The following RNF207 variants were observed in gnomAD, a reference collection of about 807,000 sequenced individuals.
The protein encoded by RNF207 is OTTHUMG00000001089.
Under a neutral mutation model 79.0 loss-of-function variants are expected in RNF207, and 72 were observed. The ratio of observed to expected loss-of-function variants is 0.91; its 90% CI spans 0.75 to 1.11. RNF207 has a LOEUF of 1.11. Among genes scored for constraint, RNF207 ranks in the 50% least tolerant of loss-of-function variants. RNF207 has a pLI of 0.00. For missense variants in RNF207, 936 were observed against 855.8 expected (o/e 1.09, Z -1.17); for synonymous variants, 348 against 366.2 (o/e 0.95, Z 0.57).
At position 6,209,165 on chromosome 1, in the gene RNF207, T is replaced by A; in HGVS notation, c.520T>A (p.Leu174Met). The A allele has an allele frequency of 6.4e-7, 1 of 1,557,290 alleles. No individual in the cohort carries two copies. Among genetic ancestry groups the A allele is most frequent in the East Asian group, 2.4e-5 (1 of 41,862 alleles). ...LLFSTDKKLLLCIRCFRDMQK... is the reference protein window; with the variant it reads ...LLFSTDKKLLMCIRCFRDMQK... ...GTTCTCCACCGACAAGAAGTTGCTGTTGTGCATCCGCTGCTTCCGCGACAT... is the reference window on the plus strand; with the variant it reads ...GTTCTCCACCGACAAGAAGTTGCTGATGTGCATCCGCTGCTTCCGCGACAT... Residue 174 changes from leucine to methionine, a missense_variant, in exon 5 of 18, where the codon TTG (leucine) becomes ATG (methionine). By Grantham distance (15) the Leu-to-Met change is conservative (BLOSUM62 2). Coordinates refer to ENST00000377939, the MANE Select transcript of RNF207 (RefSeq NM_207396.3).
In RNF207 at chr1:6,209,983, G is replaced by C. The variant is rs768225960; in HGVS notation, c.800+13G>C. The C allele has an allele frequency of 1.9e-6, 3 of 1,575,430 alleles. No homozygotes were observed. The highest frequency in any genetic ancestry group is 2.6e-6 in the Non-Finnish European group (3 of 1,159,956). On this transcript the variant is annotated intron_variant, in intron 8 of 17. Transcript: ENST00000377939. ...AGGCTGTGCAGAGGTGAGTTGGGGG[G>C]AGCGGGGCTTGCTTCCCTTACCCCT... is the stretch of plus-strand genomic sequence containing the variant.
At chr1:6,208,208 G>GC (rs1667990636) in intron 3 of RNF207, 1 of 127,386 alleles carries the variant, frequency 7.9e-6, no homozygotes, top group Admixed American at 7.5e-5. Flanking sequence ...CCCTCCCCCC[G>GC]CCCCCAAGTG....
chr1:6,213,966 T>C (rs1668272654), intron 16 of RNF207, among the ~76,000 whole-genome samples: 1 of 152,124 alleles, frequency 6.6e-6, no homozygotes, highest in South Asian at 2.1e-4. Context: ...TCACCACCCT[T>C]GTGGTGAAGT....
At chr1:6,214,071 C>T (rs1033541629) in intron 16 of RNF207, among the ~76,000 whole-genome samples, 3 of 152,098 alleles carry the variant, frequency 2.0e-5, no homozygotes, top group Admixed American at 2.0e-4. Flanking sequence ...CTGACAATGT[C>T]TCCATTCTAG....
rs372515835 is a variant in RNF207, at chr1:6,217,087, C to T, written c.1653-1202C>T. On this transcript the variant is annotated intron_variant, in intron 16 of 17. Coordinates refer to ENST00000377939, the MANE Select transcript of RNF207 (RefSeq NM_207396.3). This position sits in a 1 kb window ranked among gnomAD's most constrained non-coding sequence, Gnocchi z 4.2. ...GTTGTGCTATGTTGCCAAAGATGGT[C>T]TCCAACTCCTGGGCTAAGTGATCCT... Among the ~76,000 whole-genome samples the T allele has an allele frequency of 1.3e-3, 193 of 152,112 alleles. No homozygotes were observed. The highest frequency in any genetic ancestry group is 4.3e-3 in the African/African-American group (180 of 41,474).
rs886918215 is a variant in RNF207 at position 6,219,972 on chromosome 1, A to T, written c.*565A>T. 2 of 151,758 alleles carry T rather than the reference A, an allele frequency of 1.3e-5. No individual in the cohort carries two copies. Among genetic ancestry groups the T allele is most frequent in the Non-Finnish European group, 2.9e-5 (2 of 68,004 alleles). The allele number at this position is 151,758 out of a possible 1,614,324, so 9.4% of individuals were successfully genotyped here. A position where few individuals can be genotyped will look rare whatever the true frequency, so the allele number is the denominator to read the frequency against. On this transcript the variant is annotated 3_prime_UTR_variant, in exon 18 of 18. Coordinates refer to ENST00000377939, the MANE Select transcript of RNF207 (RefSeq NM_207396.3). ...CCATCACACCCGGCTAATTTTTTGT[A>T]TTTTAAGTAGAGAGGGGGTTTCTCC... is the stretch of plus-strand genomic sequence containing the variant.
In RNF207 at chr1:6,209,516, C is replaced by G; in HGVS notation, c.730C>G (p.His244Asp). ...HSAAEEEDAI[H>D]ALFGSMQDRL... ...CGCCGCCGAGGAGGAGGACGCTATCCACGCCCTCTTCGGCAGCATGCAGGT... is the reference window on the plus strand; with the variant it reads ...CGCCGCCGAGGAGGAGGACGCTATCGACGCCCTCTTCGGCAGCATGCAGGT... The change falls in exon 7 of 18, where the codon CAC (histidine) becomes GAC (aspartate). Residue 244 changes from histidine to aspartate, a missense_variant. Physicochemically the swap from His to Asp is moderately conservative, Grantham distance 81 (BLOSUM62 -1). Coordinates refer to ENST00000377939, the MANE Select transcript of RNF207 (RefSeq NM_207396.3). 3 of 1,471,604 alleles carry G rather than the reference C, an allele frequency of 2.0e-6. No homozygotes were observed. The highest frequency in any genetic ancestry group is 2.8e-5 in the South Asian group (2 of 70,312). The allele number at this position is 1,471,604 out of a possible 1,614,324, so 91.2% of individuals were successfully genotyped here. A position where few individuals can be genotyped will look rare whatever the true frequency, so the allele number is the denominator to read the frequency against.
intron 10 of RNF207, 29 bp downstream of exon 10, chr1:6,210,467 C>T (rs2100930562): frequency 1.9e-6 from 3 of 1,576,234 alleles, no homozygotes; most frequent in Middle Eastern, 3.6e-4. Flanking sequence ...TGCAGATGCC[C>T]CCTCCCCACC....
chr1:6,216,310 C>A (rs1197960051), intron 16 of RNF207, among the ~76,000 whole-genome samples: 1 of 152,164 alleles, frequency 6.6e-6, no homozygotes, highest in African/African-American at 2.4e-5. Flanking sequence ...CCATACTCTA[C>A]CTCTGCAGAA....
chr1:6,206,679 C>T lies in RNF207; in HGVS notation c.144C>T (p.Cys48=), dbSNP rs1379551851. 5 of 1,605,272 alleles carry T rather than the reference C, an allele frequency of 3.1e-6. No homozygotes were observed. Among genetic ancestry groups the T allele is most frequent in the South Asian group, 1.1e-5 (1 of 91,074 alleles). The change falls in exon 2 of 18, where the codon TGC becomes TGT. Residue 48 remains cysteine (C), a synonymous_variant. Coordinates refer to ENST00000377939, the MANE Select transcript of RNF207 (RefSeq NM_207396.3). ...GTTTCCACGACTTCTGTGCCGGCTG[C>T]CTGCGTGGCCGCGCGACCGACGGCC... ...LDCFHDFCAG[C]LRGRATDGRL... is the part of the protein sequence containing the mutation.
intron 3 of RNF207, 81 bp from the exon 4 acceptor site, chr1:6,208,800 C>T (rs943008264): frequency 5.0e-6 from 7 of 1,392,976 alleles, no homozygotes; most frequent in Non-Finnish European, 6.7e-6. Flanking sequence ...GACAAACACG[C>T]GCAGTGACAC....
Position 6,213,104 on chromosome 1 carries a change from G to T in RNF207, c.1573G>T (p.Ala525Ser), listed in dbSNP as rs535310256. 1.2e-6 allele frequency: 2 copies of T among 1,613,462 alleles called. No homozygotes were observed. Among genetic ancestry groups the T allele is most frequent in the South Asian group, 2.2e-5 (2 of 91,034 alleles). Residue 525 changes from alanine to serine, a missense_variant, in exon 16 of 18, where the codon GCC becomes TCC. By Grantham distance (99) the Ala-to-Ser change is moderately conservative. Coordinates refer to ENST00000377939, the MANE Select transcript of RNF207 (RefSeq NM_207396.3). The stretch of plus-strand genomic sequence containing the variant: ...CCTTCTCCAGCTGAGGCAGGAGAAT[G>T]CCTACCTGACCACCATCACCAAGCA... Reference protein sequence around the residue: ...HDLLQLRQENAYLTTITKQIT... With the variant: ...HDLLQLRQENSYLTTITKQIT...
At chr1:6,212,959 G>T in intron 15 of RNF207, 107 bp from the exon 16 acceptor site, 1 of 826,044 alleles carries the variant, frequency 1.2e-6, no homozygotes, top group Non-Finnish European at 2.0e-6. Context: ...TTAATTAGAG[G>T]TCATCATGGA....
rs1667948122 is a variant in RNF207, at chr1:6,207,306, G to A, written c.192-73G>A. On this transcript the variant is annotated intron_variant, in intron 2 of 17. Transcript: ENST00000377939. This position sits in a 1 kb window ranked among gnomAD's most constrained non-coding sequence, Gnocchi z 4.5. ...ACACAGCTATTTTTAGCTCCAGCCT[G>A]GAATGTGAGGGGTGGGGGTGGGGAG... 1 of 1,452,906 alleles carries A rather than the reference G, an allele frequency of 6.9e-7. No individual in the cohort carries two copies. The highest frequency in any genetic ancestry group is 1.4e-5 in the African/African-American group (1 of 70,480). 90.0% of individuals were successfully genotyped at this position (1,452,906 alleles called of 1,614,324 possible).
chr1:6,214,622 ATTTC>A (rs1371092726), intron 16 of RNF207, among the ~76,000 whole-genome samples: 1 of 73,072 alleles, frequency 1.4e-5, no homozygotes, highest in Admixed American at 1.5e-4. Context: ...AGGCTGGAAT[ATTTC>A]TTTCTTTTTT....
At position 6,207,600 on chromosome 1, in the gene RNF207, G is replaced by A; in HGVS notation, c.324+89G>A. 1.4e-6 allele frequency: 2 copies of A among 1,422,850 alleles called. No homozygotes were observed. Among genetic ancestry groups the A allele is most frequent in the South Asian group, 2.4e-5 (2 of 81,926 alleles). 88.1% of individuals were successfully genotyped at this position (1,422,850 alleles called of 1,614,324 possible). On this transcript the variant is annotated intron_variant, in intron 3 of 17. Coordinates refer to ENST00000377939, the MANE Select transcript of RNF207 (RefSeq NM_207396.3). This position sits in a 1 kb window ranked among gnomAD's most constrained non-coding sequence, Gnocchi z 4.5. ...TGCACATGCACTCAGCATGTCTTCA[G>A]AGGACGACCTGGCAGTGGATTCTCC...
intron 10 of RNF207, 49 bp from the exon 11 acceptor site, chr1:6,210,821 C>G (rs1668131611): frequency 6.6e-7 from 1 of 1,512,878 alleles, no homozygotes; most frequent in Non-Finnish European, 9.0e-7. Flanking sequence ...TCTTCCTGCC[C>G]CCTGGCTGCC....
At chr1:6,214,694 G>C (rs1668303872) in intron 16 of RNF207, among the ~76,000 whole-genome samples, 1 of 139,192 alleles carries the variant, frequency 7.2e-6, no homozygotes, top group Non-Finnish European at 1.5e-5. Flanking sequence ...GAGTGCAGTG[G>C]CATGATCTCA....
At chr1:6,214,626 C>CTTTTTTTTTTTTTTTT (rs1553148919) in intron 16 of RNF207, among the ~76,000 whole-genome samples, 2 of 95,608 alleles carry the variant, frequency 2.1e-5, no homozygotes, top group African/African-American at 1.2e-4. Context: ...TGGAATATTT[C>CTTTTTTTTTTTTTTTT]TTTCTTTTTT....
Sources: gnomAD v4.1 joint callset for allele counts (sites outside exome capture counted in the v4.1 genomes callset) on GRCh38, gnomAD v4.1.1 for gene constraint, Gnocchi (gnomAD v3.1) non-coding constraint, MANE v1.5 for transcripts, NCBI Gene and HGNC (gene_info 2026-07-23, HGNC 2026-07-21) for gene names.